Variants in SPTBN5 observed in about 807,000 individuals in gnomAD.
SPTBN5 encodes spectrin beta chain, non-erythrocytic 5.
In SPTBN5, 513 loss-of-function variants were observed where a neutral mutation model predicts 477.6. The observed-to-expected ratio is 1.07, with a 90% CI of 1.00 to 1.16. The LOEUF is 1.16. Among genes scored for constraint, SPTBN5 ranks in the 50% most tolerant of loss-of-function variants. The pLI is 0.00. For missense variants in SPTBN5, 5,062 were observed against 4,731.8 expected (o/e 1.07, Z -2.05); for synonymous variants, 2,169 against 2,011.7 (o/e 1.08, Z -2.09).
chr15:41,879,980 C>A, intron 14 of SPTBN5, 116 bp from the exon 15 acceptor site: 1 of 1,460,014 alleles, frequency 6.8e-7, no homozygotes, highest in Non-Finnish European at 9.2e-7. Flanking sequence ...ATGCTGCCTG[C>A]CCCTGGAAAG....
chr15:41,880,633 C>A (rs1595500923), intron 13 of SPTBN5, among the ~76,000 whole-genome samples: 1 of 152,202 alleles, frequency 6.6e-6, no homozygotes, highest in African/African-American at 2.4e-5. Context: ...CCTGCTCCAC[C>A]CCCACCTGCC....
intron 32 of SPTBN5, among the ~76,000 whole-genome samples, chr15:41,868,917 A>G (rs1315965486): frequency 6.6e-6 from 1 of 152,180 alleles, no homozygotes; most frequent in East Asian, 1.9e-4. Flanking sequence ...GGCGGCTAGC[A>G]AGATCAGCCC....
At chr15:41,883,580 G>A in intron 7 of SPTBN5, 94 bp from the exon 8 acceptor site, 1 of 1,473,940 alleles carries the variant, frequency 6.8e-7, no homozygotes, top group Non-Finnish European at 9.2e-7. Context: ...GGCTGCCCTG[G>A]AAGAGTCTGA....
chr15:41,868,157 C>G lies in SPTBN5; in HGVS notation c.6119G>C (p.Arg2040Pro). The stretch of plus-strand genomic sequence containing the variant: ...CTCGGCCTGCAGCCTCTCTTGCTTC[C>G]GTGCCCAGGTCTGATACACCTGGTC... ...QRDQVYQTWA[R>P]KQERLQAEQQ... The change falls in exon 34 of 68, where the codon CGG (arginine) becomes CCG (proline). Residue 2040 changes from arginine to proline, a missense_variant. Transcript: ENST00000320955. 1 of 1,589,866 alleles carries G rather than the reference C, an allele frequency of 6.3e-7. No homozygotes were observed. Among genetic ancestry groups the G allele is most frequent in the African/African-American group, 1.3e-5 (1 of 74,670 alleles).
At chr15:41,861,531 G>A in intron 45 of SPTBN5, 35 bp from the exon 46 acceptor site, 1 of 1,603,708 alleles carries the variant, frequency 6.2e-7, no homozygotes, top group Non-Finnish European at 8.5e-7. Context: ...GACAGTCGGT[G>A]GAGGGTCCAG....
rs373383778 is a variant in SPTBN5, at chr15:41,851,788, G to T, written c.10647C>A (p.Gly3549=). The change falls in exon 63 of 68, where the codon GGC becomes GGA. Residue 3549 remains glycine (G), a synonymous_variant. Transcript: ENST00000320955. ...ATCTCCAGGCACTCACCTGCCTCCC[G>T]CCAGGCAGCAGGTGCTGCTTGAACT... ...SLEFKQHLLP[G]GRQPSSSSWD... 4.0e-5 allele frequency: 65 copies of T among 1,609,356 alleles called. No individual in the cohort carries two copies. The highest frequency in any genetic ancestry group is 1.7e-6 in the Non-Finnish European group (2 of 1,178,730).
rs2065834182 is a variant in SPTBN5 at position 41,853,291 on chromosome 15, C to T, written c.10137G>A (p.Gln3379=). 6.2e-7 allele frequency: 1 copy of T among 1,610,988 alleles called. No homozygotes were observed. The highest frequency in any genetic ancestry group is 1.3e-5 in the African/African-American group (1 of 74,912). The change falls in exon 59 of 68, where the codon CAG becomes CAA. Residue 3379 remains glutamine, a synonymous_variant. Transcript: ENST00000320955. ...QAQDLRQEGQ[Q]LVDNSHFMSA... ...ACATGAAGTGGCTGTTGTCCACCAG[C>T]TGCTGTCCTTCCTGCCGCAGGTCCT...
In SPTBN5 at chr15:41,862,913, G is replaced by T; in HGVS notation, c.7150-10C>A. On this transcript the variant is annotated splice_polypyrimidine_tract_variant and intron_variant, in intron 41 of 67. Coordinates refer to ENST00000320955, the MANE Select transcript of SPTBN5 (RefSeq NM_016642.4). Reference sequence around the variant, plus strand: ...CCTGGATCAGGGCTTCCTGGAGGAGGGGCACGGCCAGTTACCTGCTGGGCC... The same window carrying T: ...CCTGGATCAGGGCTTCCTGGAGGAGTGGCACGGCCAGTTACCTGCTGGGCC... 6.4e-7 allele frequency: 1 copy of T among 1,562,902 alleles called. No homozygotes were observed. The highest frequency in any genetic ancestry group is 8.7e-7 in the Non-Finnish European group (1 of 1,154,572).
At chr15:41,865,744 T>G in intron 39 of SPTBN5, 64 bp downstream of exon 39, 1 of 1,418,244 alleles carries the variant, frequency 7.1e-7, no homozygotes, top group Admixed American at 2.0e-5. Flanking sequence ...ACTCTTTCCC[T>G]GCTCTCAGTT....
intron 26 of SPTBN5, among the ~76,000 whole-genome samples, chr15:41,873,235 C>T (rs139493085): frequency 0.021 from 3,231 of 152,076 alleles, 58 homozygotes; most frequent in South Asian, 0.07. Flanking sequence ...CAAGAGGAGG[C>T]GGAGAAACCC....
chr15:41,873,586 A>G lies in SPTBN5; in HGVS notation c.4913T>C (p.Leu1638Pro). 6.4e-7 allele frequency: 1 copy of G among 1,552,126 alleles called. No homozygotes were observed. The highest frequency in any genetic ancestry group is 8.7e-7 in the Non-Finnish European group (1 of 1,147,318). Residue 1638 changes from leucine (L) to proline (P), a missense_variant, in exon 26 of 68, where the codon CTG (leucine) becomes CCG (proline). By Grantham distance (98) the Leu-to-Pro change is moderately conservative (BLOSUM62 -3). Coordinates refer to ENST00000320955, the MANE Select transcript of SPTBN5 (RefSeq NM_016642.4). ...CCGCTTCTCCTCCACCCAGCCCTCC[A>G]GCTCTGACACATCCAGAAAGTACTG... ...FQQYFLDVSE[L>P]EGWVEEKRPL...
chr15:41,851,168 G>A lies in SPTBN5; in HGVS notation c.10744-18C>T, dbSNP rs926294305. 4.3e-6 allele frequency: 7 copies of A among 1,609,862 alleles called. No homozygotes were observed. Among genetic ancestry groups the A allele is most frequent in the Non-Finnish European group, 5.9e-6 (7 of 1,178,142 alleles). ...GCTACTTTCTGAGGAGAGATGAGAGGCAGGGGTCACTGCGGCCATCTCAGC... is the reference window on the plus strand; with the variant it reads ...GCTACTTTCTGAGGAGAGATGAGAGACAGGGGTCACTGCGGCCATCTCAGC... On this transcript the variant is annotated intron_variant, in intron 64 of 67. Transcript: ENST00000320955.
Position 41,851,378 on chromosome 15 carries a change from A to T in SPTBN5, c.10657-9T>A. 1.9e-6 allele frequency: 3 copies of T among 1,549,810 alleles called. No individual in the cohort carries two copies. Among genetic ancestry groups the T allele is most frequent in the Non-Finnish European group, 2.6e-6 (3 of 1,146,264 alleles). On this transcript the variant is annotated splice_polypyrimidine_tract_variant and intron_variant, in intron 63 of 67. Coordinates refer to ENST00000320955, the MANE Select transcript of SPTBN5 (RefSeq NM_016642.4). The stretch of plus-strand genomic sequence containing the variant: ...CAGGAGCTCGAGCTAGGCTGTGGAG[A>T]GGAGGCGGGAAGGTCGCATGAGCCA...
chr15:41,855,901 G>A (rs551444067), intron 53 of SPTBN5, among the ~76,000 whole-genome samples, 156 bp from the exon 54 acceptor site: 14 of 152,358 alleles, frequency 9.2e-5, no homozygotes, highest in South Asian at 4.1e-4. Flanking sequence ...CATCTGGTCC[G>A]GAACACAGCC....
rs1295614892 is a variant in SPTBN5 at position 41,851,309 on chromosome 15, A to G, written c.10717T>C (p.Phe3573Leu). 1 of 1,551,148 alleles carries G rather than the reference A, an allele frequency of 6.4e-7. No individual in the cohort carries two copies. Among genetic ancestry groups the G allele is most frequent in the South Asian group, 1.2e-5 (1 of 84,054 alleles). The change falls in exon 64 of 68, where the codon TTC (phenylalanine) becomes CTC (leucine). Residue 3573 changes from phenylalanine (F) to leucine (L), a missense_variant. By Grantham distance (22) the Phe-to-Leu change is conservative. Coordinates refer to ENST00000320955, the MANE Select transcript of SPTBN5 (RefSeq NM_016642.4). ...TCCGCTGCCATCCTCTCATCCAGGA[A>G]CAGGCTCAGAGAGCTGCCCTGCAAG... ...GNLQGSSLSL[F>L]LDERMAAEKV...
At chr15:41,856,747 G>GC in intron 52 of SPTBN5, 106 bp downstream of exon 52, 1 of 1,358,188 alleles carries the variant, frequency 7.4e-7, no homozygotes, top group South Asian at 1.4e-5. Context: ...CATCCCAAAA[G>GC]CCCCCACAGG....
rs144088395 is a variant in SPTBN5, at chr15:41,887,254, G to A, written c.847C>T (p.Arg283Cys). 7.3e-5 allele frequency: 114 copies of A among 1,551,422 alleles called. No homozygotes were observed. The African/African-American group carries it at 1.3e-3, about 18-fold the overall frequency. The change falls in exon 6 of 68, where the codon CGC (arginine) becomes TGC (cysteine). Residue 283 changes from arginine to cysteine, a missense_variant. Transcript: ENST00000320955. ...YVSLYYHYCS[R>C]LHQGQTVQRR... ...TGGACAGTCTGCCCCTGATGCAGGC[G>A]GGAGCAGTAGTGGTAGTAGAGGGAG...
chr15:41,863,638 G>C (rs2066194948), intron 41 of SPTBN5, 66 bp downstream of exon 41: 1 of 1,298,906 alleles, frequency 7.7e-7, no homozygotes, highest in Admixed American at 1.7e-5. Flanking sequence ...GGAGACTCTA[G>C]GCAGTGCCCC....
rs771472520 is a variant in SPTBN5, at chr15:41,863,778, G to C, written c.7075C>G (p.Gln2359Glu). 6.2e-7 allele frequency: 1 copy of C among 1,613,838 alleles called. No homozygotes were observed. The highest frequency in any genetic ancestry group is 1.7e-5 in the Admixed American group (1 of 60,032). Reference sequence around the variant, plus strand: ...TGTATCTCCAAGGCCCCTTCGAGCTGCTGCTGGTACCGGAGCAAGTTGCCA... The same window carrying C: ...TGTATCTCCAAGGCCCCTTCGAGCTCCTGCTGGTACCGGAGCAAGTTGCCA... Reference protein sequence around the residue: ...FHGNLLRYQQQLEGALEIHVL... With the variant: ...FHGNLLRYQQELEGALEIHVL... The change falls in exon 41 of 68, where the codon CAG becomes GAG. Residue 2359 changes from glutamine (Q) to glutamate (E), a missense_variant. Gln to Glu is a conservative substitution (Grantham distance 29). Coordinates refer to ENST00000320955, the MANE Select transcript of SPTBN5 (RefSeq NM_016642.4).
Sources: gnomAD v4.1 joint callset for allele counts (sites outside exome capture counted in the v4.1 genomes callset) on GRCh38, gnomAD v4.1.1 for gene constraint, MANE v1.5 for transcripts, NCBI Gene and HGNC (gene_info 2026-07-23, HGNC 2026-07-21) for gene names.